The following SNX18 variants were observed in gnomAD, a reference collection of about 807,000 sequenced individuals.
SNX18 encodes sorting nexin-18.
SNX18 carries 35 observed loss-of-function variants against 48.7 expected under a neutral mutation model. That is an observed-to-expected ratio of 0.72 (90% CI 0.55 to 0.95). The LOEUF (loss-of-function observed/expected upper bound fraction) is 0.95. SNX18 is among the 40% of genes least tolerant of loss of function. SNX18 has a pLI of 0.00. For missense variants in SNX18, 824 were observed against 871.0 expected, an observed-to-expected ratio of 0.95 and a Z score of 0.68; for synonymous variants, 492 against 384.7, an observed-to-expected ratio of 1.28 and a Z score of -3.26.
At chr5:54,539,008 A>G (rs757394622) in intron 1 of SNX18, among the ~76,000 whole-genome samples, 11 of 152,114 alleles carry the variant, frequency 7.2e-5, no homozygotes, top group Non-Finnish European at 1.6e-4. Flanking sequence ...GCTATTTAAT[A>G]CCTTCATTGA....
At chr5:54,520,109 C>A in intron 1 of SNX18, 1 of 382,922 alleles carries the variant, frequency 2.6e-6, no homozygotes, top group Non-Finnish European at 4.9e-6. Context: ...GAATTCTTGC[C>A]TGCAACCTTT....
chr5:54,630,401 T>C, the SNX18 span, among the ~76,000 whole-genome samples: 1 of 152,196 alleles, frequency 6.6e-6, no homozygotes, highest in African/African-American at 2.4e-5. Flanking sequence ...TTGGAGTATC[T>C]GCACCCTCAC....
At chr5:54,646,793 T>C in the SNX18 span, among the ~76,000 whole-genome samples, 15 of 152,194 alleles carry the variant, frequency 9.9e-5, no homozygotes, top group African/African-American at 2.4e-4. Flanking sequence ...CCACCCAGAA[T>C]GTGTTACTTG....
At chr5:54,601,644 T>TG in the SNX18 span, among the ~76,000 whole-genome samples, 2 of 151,990 alleles carry the variant, frequency 1.3e-5, no homozygotes, top group African/African-American at 2.4e-5. Context: ...CACAGGAAAG[T>TG]GGGGGGAGGA....
the SNX18 span, among the ~76,000 whole-genome samples, chr5:54,630,048 C>T: frequency 4.6e-5 from 7 of 152,106 alleles, no homozygotes; most frequent in Non-Finnish European, 5.9e-5. Context: ...GGATTTGAAC[C>T]GAGAGTTTGG....
the SNX18 span, among the ~76,000 whole-genome samples, chr5:54,587,012 C>A: frequency 1.3e-5 from 2 of 151,052 alleles, no homozygotes; most frequent in African/African-American, 2.4e-5. Context: ...TCCTGAGCAG[C>A]CCCTCTTTTA....
the SNX18 span, among the ~76,000 whole-genome samples, chr5:54,551,883 C>G: frequency 5.9e-5 from 9 of 152,166 alleles, no homozygotes; most frequent in Non-Finnish European, 1.0e-4. Flanking sequence ...GAAACAGAGA[C>G]CTTTGTGATC....
chr5:54,602,076 G>C, the SNX18 span, among the ~76,000 whole-genome samples: 1 of 152,152 alleles, frequency 6.6e-6, no homozygotes, highest in Admixed American at 6.5e-5. Context: ...TACTCGCTAA[G>C]TAAGCAAAGC....
In SNX18 at chr5:54,518,447, G is replaced by C. The variant is rs189018783; in HGVS notation, c.495G>C (p.Ala165=). 2.1e-3 allele frequency: 3,340 copies of C among 1,573,028 alleles called. 63 individuals carry two copies. The African/African-American group carries it at 0.038, about 18-fold the overall frequency. ...DDEWDDSSTV[A]DEPGALGSGA... is the part of the protein sequence containing the mutation. ...AGTGGGACGACAGCTCCACGGTGGC[G>C]GACGAGCCGGGCGCTCTGGGCAGCG... Residue 165 remains alanine (A), a synonymous_variant, in exon 1 of 2, where the codon GCG becomes GCC. Coordinates refer to ENST00000381410, the MANE Select transcript of SNX18 (RefSeq NM_001102575.2).
chr5:54,552,794 T>TA, the SNX18 span, among the ~76,000 whole-genome samples: 8 of 151,706 alleles, frequency 5.3e-5, no homozygotes, highest in African/African-American at 1.7e-4. Context: ...AATAATGAAA[T>TA]AGATTAGTGA....
the SNX18 span, among the ~76,000 whole-genome samples, chr5:54,619,000 T>C: frequency 6.6e-6 from 1 of 152,188 alleles, no homozygotes; most frequent in Non-Finnish European, 1.5e-5. Context: ...ACAAACCATA[T>C]GAAATTGCTG....
chr5:54,610,356 G>T, the SNX18 span, among the ~76,000 whole-genome samples: 1 of 151,834 alleles, frequency 6.6e-6, no homozygotes, highest in Non-Finnish European at 1.5e-5. Flanking sequence ...ACATTGCTCC[G>T]ACTTTACACA....
At chr5:54,562,282 T>TA in the SNX18 span, among the ~76,000 whole-genome samples, 82 of 152,306 alleles carry the variant, frequency 5.4e-4, 1 homozygote, top group East Asian at 0.014. Context: ...AACCTTTTCT[T>TA]AATGACGATG....
the SNX18 span, among the ~76,000 whole-genome samples, chr5:54,614,405 T>C: frequency 6.6e-6 from 1 of 152,190 alleles, no homozygotes. Context: ...GAGTAAGATT[T>C]ATGGAACAAG....
chr5:54,561,370 A>T, the SNX18 span, among the ~76,000 whole-genome samples: 3 of 150,110 alleles, frequency 2.0e-5, no homozygotes, highest in Admixed American at 2.0e-4. Context: ...TTTTATTTCG[A>T]CAGGGTCTCA....
the SNX18 span, among the ~76,000 whole-genome samples, chr5:54,623,297 T>C: frequency 9.2e-5 from 14 of 152,194 alleles, no homozygotes; most frequent in African/African-American, 3.4e-4. Flanking sequence ...GCTCTTTTTC[T>C]GAATCCTCCA....
chr5:54,518,027 G>C lies in SNX18; in HGVS notation c.75G>C (p.Glu25Asp). 6.5e-7 allele frequency: 1 copy of C among 1,549,104 alleles called. No homozygotes were observed. Among genetic ancestry groups the C allele is most frequent in the Non-Finnish European group, 8.7e-7 (1 of 1,151,020 alleles). The stretch of plus-strand genomic sequence containing the variant: ...GAGAGATCTCGCTGCGAGAGCACGA[G>C]GTGCTGAGCCTGTGCAGCGAGCAGG... ...NPGEISLREH[E>D]VLSLCSEQDI... is the part of the protein sequence containing the mutation. The change falls in exon 1 of 2, where the codon GAG becomes GAC. Residue 25 changes from glutamate to aspartate, a missense_variant. Glu to Asp is a conservative substitution (Grantham distance 45, BLOSUM62 2). Transcript: ENST00000381410.
chr5:54,623,492 G>A, the SNX18 span, among the ~76,000 whole-genome samples: 1 of 151,968 alleles, frequency 6.6e-6, no homozygotes, highest in South Asian at 2.1e-4. Context: ...GGGCAAGGTG[G>A]ATGGATCAGA....
the SNX18 span, among the ~76,000 whole-genome samples, chr5:54,616,077 GA>G: frequency 6.6e-6 from 1 of 152,190 alleles, no homozygotes; most frequent in Non-Finnish European, 1.5e-5. Context: ...TGGAATCCCA[GA>G]AATTGTCTTA....
Sources: gnomAD v4.1 joint callset for allele counts (sites outside exome capture counted in the v4.1 genomes callset) on GRCh38, gnomAD v4.1.1 for gene constraint, MANE v1.5 for transcripts, NCBI Gene and HGNC (gene_info 2026-07-23, HGNC 2026-07-21) for gene names.